The following EPHA6 variants were observed in gnomAD, a reference collection of about 807,000 sequenced individuals.
EPHA6 encodes the protein EPH receptor A6.
EPHA6 carries 50 observed loss-of-function variants against 112.0 expected under a neutral mutation model. That is an observed-to-expected ratio of 0.45 (90% CI 0.36 to 0.56). EPHA6 has a LOEUF of 0.56. EPHA6 is among the 20% of genes least tolerant of loss of function. EPHA6 has a pLI of 0.00. For missense variants in EPHA6, 1,280 were observed against 1,417.4 expected (o/e 0.90, Z 1.56); for synonymous variants, 529 against 490.7 (o/e 1.08, Z -1.03).
intron 3 of EPHA6, among the ~76,000 whole-genome samples, chr3:97,141,410 A>G (rs964062490): frequency 2.0e-5 from 3 of 152,116 alleles, no homozygotes; most frequent in Non-Finnish European, 4.4e-5. Flanking sequence ...AAGATTCTCC[A>G]AAATTGACCA....
At chr3:97,269,344 A>T (rs1293128909) in intron 5 of EPHA6, among the ~76,000 whole-genome samples, 1 of 151,842 alleles carries the variant, frequency 6.6e-6, no homozygotes. Flanking sequence ...CCATTTCTTG[A>T]TGGCTTCCCT....
chr3:97,402,574 GT>G (rs931664126), intron 5 of EPHA6, among the ~76,000 whole-genome samples: 1 of 151,768 alleles, frequency 6.6e-6, no homozygotes, highest in Non-Finnish European at 1.5e-5. Context: ...GTTAGGTCTT[GT>G]TTTTTTAAGC....
intron 3 of EPHA6, among the ~76,000 whole-genome samples, chr3:97,006,727 T>G (rs1380765490): frequency 6.6e-6 from 1 of 151,824 alleles, no homozygotes; most frequent in Non-Finnish European, 1.5e-5. Context: ...TTTCTAGCTT[T>G]CTGATGTGGG....
chr3:97,192,528 T>TCCTTTATCAC, intron 3 of EPHA6, among the ~76,000 whole-genome samples: 1 of 152,302 alleles, frequency 6.6e-6, no homozygotes, highest in South Asian at 2.1e-4. Context: ...TGGTTATTAA[T>TCCTTTATCAC]CCTTTATCAA....
At chr3:97,678,373 G>A (rs921599882) in intron 14 of EPHA6, among the ~76,000 whole-genome samples, 1 of 152,164 alleles carries the variant, frequency 6.6e-6, no homozygotes, top group Non-Finnish European at 1.5e-5. Flanking sequence ...GAGGTTCAGA[G>A]GGTGCAGTTG....
chr3:97,364,335 G>A (rs910043768), intron 5 of EPHA6, among the ~76,000 whole-genome samples: 1 of 150,468 alleles, frequency 6.6e-6, no homozygotes. Context: ...CCAATTTTTT[G>A]GAGTTTTAGT....
At chr3:97,287,977 T>C (rs2080532332) in intron 5 of EPHA6, among the ~76,000 whole-genome samples, 1 of 151,984 alleles carries the variant, frequency 6.6e-6, no homozygotes, top group Admixed American at 6.5e-5. Flanking sequence ...TTGAATAGAA[T>C]TGGCGTTTGT....
In EPHA6 at chr3:97,546,719, C is replaced by T. The variant is rs552899001; in HGVS notation, c.2386+14176C>T. 4.7e-4 allele frequency among the ~76,000 whole-genome samples: 71 copies of T among 152,248 alleles called. No homozygotes were observed. In the South Asian group the frequency reaches 0.011, roughly 23 times the overall value. On this transcript the variant is annotated intron_variant, in intron 11 of 17. Coordinates refer to ENST00000389672, the MANE Select transcript of EPHA6 (RefSeq NM_001080448.3). ...AGGTACACCAATCAGACGTAGATTT[C>T]GTCTTTTCACATAGTCCCATATTTC...
intron 3 of EPHA6, among the ~76,000 whole-genome samples, chr3:97,180,022 C>G (rs2076945833): frequency 6.6e-6 from 1 of 152,056 alleles, no homozygotes; most frequent in Non-Finnish European, 1.5e-5. Context: ...GATGTACTGT[C>G]TTGGAATCAG....
intron 2 of EPHA6, among the ~76,000 whole-genome samples, chr3:96,921,509 C>T (rs533424398): frequency 6.6e-6 from 1 of 151,690 alleles, no homozygotes; most frequent in Admixed American, 6.6e-5. Context: ...AAACTCTATT[C>T]AACTTAAATG....
chr3:97,157,250 A>G (rs187171765), intron 3 of EPHA6, among the ~76,000 whole-genome samples: 8 of 152,310 alleles, frequency 5.3e-5, no homozygotes, highest in African/African-American at 1.4e-4. Context: ...TCTTTATGAA[A>G]TAACTTATAT....
chr3:97,161,912 T>C (rs1212570187), intron 3 of EPHA6, among the ~76,000 whole-genome samples: 3 of 152,198 alleles, frequency 2.0e-5, no homozygotes, highest in Non-Finnish European at 4.4e-5. Context: ...GGAGAGATGA[T>C]GTATCTCTGC....
chr3:97,401,573 T>C (rs974283545), intron 5 of EPHA6, among the ~76,000 whole-genome samples: 1 of 151,776 alleles, frequency 6.6e-6, no homozygotes, highest in African/African-American at 2.4e-5. Flanking sequence ...CTTTCTCTTT[T>C]TCTTAGTCTA....
At chr3:97,718,755 C>G (rs1012091747) in intron 14 of EPHA6, among the ~76,000 whole-genome samples, 1 of 152,124 alleles carries the variant, frequency 6.6e-6, no homozygotes, top group Non-Finnish European at 1.5e-5. Context: ...ATGAAAACCT[C>G]GGGCTTCAGG....
chr3:97,408,217 G>T (rs1262513581), intron 6 of EPHA6, among the ~76,000 whole-genome samples: 2 of 151,908 alleles, frequency 1.3e-5, no homozygotes, highest in Admixed American at 6.6e-5. Context: ...ATCTCTTAAG[G>T]GTTCCACCTA....
chr3:97,391,750 T>C (rs1007014632), intron 5 of EPHA6, among the ~76,000 whole-genome samples: 2 of 151,834 alleles, frequency 1.3e-5, no homozygotes, highest in African/African-American at 4.8e-5. Context: ...CTTAAGCTAG[T>C]CTGGTGTTCT....
chr3:97,707,717 C>G (rs2033753632), intron 14 of EPHA6, among the ~76,000 whole-genome samples: 1 of 152,130 alleles, frequency 6.6e-6, no homozygotes, highest in African/African-American at 2.4e-5. Context: ...ATTGTTATCC[C>G]CACACGTCGA....
chr3:97,108,722 G>GT, intron 3 of EPHA6, among the ~76,000 whole-genome samples: 1 of 152,076 alleles, frequency 6.6e-6, no homozygotes, highest in Non-Finnish European at 1.5e-5. Context: ...TGGTGGACAA[G>GT]GTAAACATTA....
At chr3:97,044,659 T>C (rs1034812015) in intron 3 of EPHA6, among the ~76,000 whole-genome samples, 1 of 151,642 alleles carries the variant, frequency 6.6e-6, no homozygotes, top group African/African-American at 2.4e-5. Flanking sequence ...AAAGGAAACA[T>C]TGAAGGAGAG....
Sources: allele counts gnomAD v4.1 joint callset (sites outside exome capture counted in the v4.1 genomes callset), GRCh38; gene constraint gnomAD v4.1.1; transcripts MANE v1.5; gene names NCBI Gene and HGNC (gene_info 2026-07-23, HGNC 2026-07-21).